Variants in KCNAB1 observed in about 807,000 individuals in gnomAD.
KCNAB1 encodes voltage-gated potassium channel subunit beta-1.
In KCNAB1, 35 loss-of-function variants were observed where a neutral mutation model predicts 64.6. That is an observed-to-expected ratio of 0.54 (90% CI 0.41 to 0.72). The LOEUF is 0.72. Ranked by LOEUF, KCNAB1 falls within the 30% of genes least tolerant of loss-of-function variation. The pLI, the probability that KCNAB1 is intolerant of heterozygous loss-of-function variation, is 0.00. For synonymous variants in KCNAB1, 177 were observed against 183.8 expected, an observed-to-expected ratio of 0.96 and a Z score of 0.30; for missense variants, 401 against 512.9, an observed-to-expected ratio of 0.78 and a Z score of 2.11.
At chr3:156,337,235 A>C (rs1432572880) in intron 1 of KCNAB1, among the ~76,000 whole-genome samples, 1 of 152,220 alleles carries the variant, frequency 6.6e-6, no homozygotes, top group African/African-American at 2.4e-5. Context: ...AGAACACTGA[A>C]GTTGGGGCGG....
chr3:156,220,799 T>A (rs891660624), intron 1 of KCNAB1, among the ~76,000 whole-genome samples: 4 of 152,248 alleles, frequency 2.6e-5, no homozygotes, highest in Non-Finnish European at 1.5e-5. Flanking sequence ...CCCATGCCTA[T>A]GTCCTGAATG....
At chr3:156,364,650 T>C (rs1429418277) in intron 1 of KCNAB1, among the ~76,000 whole-genome samples, 1 of 152,014 alleles carries the variant, frequency 6.6e-6, no homozygotes, top group Admixed American at 6.6e-5. Flanking sequence ...TGGTGGTGCA[T>C]GCCTGTAATC....
At chr3:156,291,950 C>G (rs747459146) in intron 1 of KCNAB1, 1 of 1,613,968 alleles carries the variant, frequency 6.2e-7, no homozygotes. Context: ...TTTGAAGAGT[C>G]GGAATGGTGA....
intron 1 of KCNAB1, among the ~76,000 whole-genome samples, chr3:156,384,404 C>T (rs1712412986): frequency 6.6e-6 from 1 of 152,214 alleles, no homozygotes; most frequent in Non-Finnish European, 1.5e-5. Flanking sequence ...GCCCGATTTT[C>T]CCTTTCTTCA....
At chr3:156,122,073 GGAAATGTTCTA>G (rs1713376421) in intron 1 of KCNAB1, among the ~76,000 whole-genome samples, 1 of 152,294 alleles carries the variant, frequency 6.6e-6, no homozygotes, top group East Asian at 1.9e-4. Flanking sequence ...TAAAGCTTCT[GGAAATGTTCTA>G]TGAAATACAT....
intron 8 of KCNAB1, among the ~76,000 whole-genome samples, chr3:156,513,955 A>G (rs1717387438): frequency 6.6e-6 from 1 of 152,204 alleles, no homozygotes; most frequent in African/African-American, 2.4e-5. Context: ...TTCACCTTCA[A>G]TGACCTTACA....
At chr3:156,229,244 T>G (rs1451369002) in intron 1 of KCNAB1, among the ~76,000 whole-genome samples, 1 of 152,140 alleles carries the variant, frequency 6.6e-6, no homozygotes, top group East Asian at 1.9e-4. Flanking sequence ...ACAGGAAGCA[T>G]GGCTGGGGAG....
chr3:156,357,841 GT>G (rs1326859188), intron 1 of KCNAB1, among the ~76,000 whole-genome samples: 1 of 147,524 alleles, frequency 6.8e-6, no homozygotes, highest in Non-Finnish European at 1.5e-5. Context: ...AAATACTATA[GT>G]TTTTATACTA....
intron 12 of KCNAB1, among the ~76,000 whole-genome samples, chr3:156,526,043 G>A (rs1718286177): frequency 6.6e-6 from 1 of 152,104 alleles, no homozygotes; most frequent in African/African-American, 2.4e-5. Flanking sequence ...TCCAGTCATG[G>A]TAAGTGCCCT....
intron 1 of KCNAB1, among the ~76,000 whole-genome samples, chr3:156,177,288 G>A (rs1024321681): frequency 3.3e-5 from 5 of 152,108 alleles, no homozygotes; most frequent in African/African-American, 9.7e-5. Context: ...AGTCACACAT[G>A]GCCAATCCTG....
chr3:156,481,553 T>A (rs963042698), intron 8 of KCNAB1, among the ~76,000 whole-genome samples: 2 of 152,022 alleles, frequency 1.3e-5, no homozygotes, highest in Non-Finnish European at 2.9e-5. Context: ...ACCAAAAAAA[T>A]TGTGTCATAA....
At chr3:156,405,933 A>T (rs1714217070) in intron 1 of KCNAB1, among the ~76,000 whole-genome samples, 1 of 152,190 alleles carries the variant, frequency 6.6e-6, no homozygotes, top group South Asian at 2.1e-4. Flanking sequence ...TAGAATTATC[A>T]GGTCTTGACT....
chr3:156,472,883 A>C (rs1034632962), intron 7 of KCNAB1, among the ~76,000 whole-genome samples: 2 of 152,136 alleles, frequency 1.3e-5, no homozygotes, highest in African/African-American at 4.8e-5. Context: ...TGGAATAATA[A>C]ATGACAAAAT....
At chr3:156,448,116 T>C (rs961056558) in intron 2 of KCNAB1, among the ~76,000 whole-genome samples, 1 of 152,216 alleles carries the variant, frequency 6.6e-6, no homozygotes, top group African/African-American at 2.4e-5. Flanking sequence ...TCAAAGCAAA[T>C]ATTCCTTGGT....
chr3:156,167,671 TAACAAC>T (rs60743324), intron 1 of KCNAB1, among the ~76,000 whole-genome samples: 7 of 152,188 alleles, frequency 4.6e-5, no homozygotes, highest in East Asian at 3.9e-4. Flanking sequence ...ACAAACTTTT[TAACAAC>T]AACAACAACA....
intron 1 of KCNAB1, among the ~76,000 whole-genome samples, chr3:156,209,331 G>A (rs1170105139): frequency 6.6e-6 from 1 of 152,156 alleles, no homozygotes; most frequent in Non-Finnish European, 1.5e-5. Context: ...CTGTACTTAT[G>A]TTAACTGGTA....
chr3:156,469,544 G>T (rs182477047), intron 7 of KCNAB1, among the ~76,000 whole-genome samples: 1 of 152,132 alleles, frequency 6.6e-6, no homozygotes, highest in Admixed American at 6.5e-5. Context: ...TGACATAATA[G>T]AAATATCTTA....
chr3:156,537,214 A>G lies in KCNAB1; in HGVS notation c.*467A>G. 1 of 388,878 alleles carries G rather than the reference A, an allele frequency of 2.6e-6. No individual in the cohort carries two copies. The highest frequency in any genetic ancestry group is 4.5e-6 in the Non-Finnish European group (1 of 223,112). The allele number at this position is 388,878 out of a possible 1,614,324, so 24.1% of individuals were successfully genotyped here. The stretch of plus-strand genomic sequence containing the variant: ...TAGTAAATAGATTATTGTTAAGTAA[A>G]TAGTTATTAAAAATATATCTCACTG... On this transcript the variant is annotated 3_prime_UTR_variant, in exon 14 of 14. Transcript: ENST00000490337.
In KCNAB1 at chr3:156,395,544, C is replaced by CAAAAAAAAA. The variant is rs61017269; in HGVS notation, c.276-26039_276-26031dup. Among the ~76,000 whole-genome samples the CAAAAAAAAA allele has an allele frequency of 5.3e-3, 134 of 25,452 alleles. 37 individuals carry two copies. Among genetic ancestry groups the CAAAAAAAAA allele is most frequent in the Non-Finnish European group, 0.011 (98 of 8,980 alleles). 16.7% of individuals were successfully genotyped at this position (25,452 alleles called of 152,430 possible). A position where few individuals can be genotyped will look rare whatever the true frequency, so the allele number is the denominator to read the frequency against. ...TGGGCGACAGAGCGAGACTCCGTCT[C>CAAAAAAAAA]AAAAAAAAAAAAAAAAAAAAAAAAA... is the stretch of plus-strand genomic sequence containing the variant. On this transcript the variant is annotated intron_variant, in intron 1 of 13. Coordinates refer to ENST00000490337, the MANE Select transcript of KCNAB1 (RefSeq NM_172160.3).
Sources: gnomAD v4.1 joint callset for allele counts (sites outside exome capture counted in the v4.1 genomes callset) on GRCh38, gnomAD v4.1.1 for gene constraint, MANE v1.5 for transcripts, NCBI Gene and HGNC (gene_info 2026-07-23, HGNC 2026-07-21) for gene names.